The following EYA1 variants were observed in gnomAD, a reference collection of about 807,000 sequenced individuals.
The protein encoded by EYA1 is protein phosphatase EYA1.
In EYA1, 16 loss-of-function variants were observed where a neutral mutation model predicts 82.0. The observed-to-expected ratio is 0.20, with a 90% confidence interval of 0.13 to 0.30. EYA1 has a LOEUF of 0.30. Among genes scored for constraint, EYA1 ranks in the 10% least tolerant of loss-of-function variants. The pLI is 1.00. For missense variants in EYA1, 633 were observed against 730.7 expected (o/e 0.87, Z 1.54); for synonymous variants, 261 against 264.4 (o/e 0.99, Z 0.12).
chr8:71,346,209 T>G (rs1825686758), intron 3 of EYA1, among the ~76,000 whole-genome samples: 4 of 152,048 alleles, frequency 2.6e-5, no homozygotes, highest in African/African-American at 4.8e-5. Flanking sequence ...GATGTCCTCC[T>G]CCTCTGTAGA....
At chr8:71,499,089 G>C (rs1811630388) in intron 2 of EYA1, among the ~76,000 whole-genome samples, 1 of 152,098 alleles carries the variant, frequency 6.6e-6, no homozygotes, top group Admixed American at 6.5e-5. Context: ...GTGTGTCTGG[G>C]GGGTGTGGAG....
intron 2 of EYA1, among the ~76,000 whole-genome samples, chr8:71,482,461 A>C (rs1339245614): frequency 6.6e-6 from 1 of 152,230 alleles, no homozygotes; most frequent in Non-Finnish European, 1.5e-5. Context: ...TGGTTCAACC[A>C]CATTGAAAAG....
intron 1 of EYA1, among the ~76,000 whole-genome samples, chr8:71,544,870 T>A (rs1016943313): frequency 6.6e-6 from 1 of 152,244 alleles, no homozygotes; most frequent in African/African-American, 2.4e-5. Context: ...GAAATTCTCA[T>A]CTTGCTAGTT....
At position 71,444,984 on chromosome 8, in the gene EYA1, A is replaced by G. The variant is rs188261992; in HGVS notation, c.34-88473T>C. ...CAAACCATGTGTGAAATTGGAGAGA[A>G]GTGGAACTCAAATCAGACCCTATCA... On this transcript the variant is annotated intron_variant, in intron 2 of 18. Transcript: ENST00000643681. 2.0e-5 allele frequency among the ~76,000 whole-genome samples: 3 copies of G among 152,354 alleles called. No homozygotes were observed. In the East Asian group the frequency reaches 5.8e-4, roughly 29 times the overall value.
intron 3 of EYA1, among the ~76,000 whole-genome samples, chr8:71,344,777 A>T (rs557479752): frequency 6.6e-6 from 1 of 152,258 alleles, no homozygotes; most frequent in Non-Finnish European, 1.5e-5. Flanking sequence ...AAAATAAACT[A>T]GTGCATGAAG....
At chr8:71,509,010 C>G (rs1254739237) in intron 2 of EYA1, among the ~76,000 whole-genome samples, 1 of 151,882 alleles carries the variant, frequency 6.6e-6, no homozygotes, top group African/African-American at 2.4e-5. Flanking sequence ...CTGCTTGAGC[C>G]CAAAAGTTTG....
At chr8:71,376,048 A>T (rs756432756) in intron 2 of EYA1, among the ~76,000 whole-genome samples, 1 of 152,240 alleles carries the variant, frequency 6.6e-6, no homozygotes, top group African/African-American at 2.4e-5. Flanking sequence ...TTATTGACAA[A>T]TAGTTAAAAA....
chr8:71,319,803 A>C (rs780761439), intron 6 of EYA1, among the ~76,000 whole-genome samples: 6 of 152,202 alleles, frequency 3.9e-5, no homozygotes, highest in Non-Finnish European at 5.9e-5. Context: ...ATGAATGAGC[A>C]AAGGGGAGAA....
intron 2 of EYA1, among the ~76,000 whole-genome samples, chr8:71,492,221 C>T (rs568358894): frequency 2.0e-5 from 3 of 152,202 alleles, no homozygotes; most frequent in South Asian, 4.1e-4. Context: ...GCAGATTTGC[C>T]CCAGGGAGTG....
chr8:71,486,173 C>T (rs1394341037), intron 2 of EYA1, among the ~76,000 whole-genome samples: 1 of 152,136 alleles, frequency 6.6e-6, no homozygotes, highest in Non-Finnish European at 1.5e-5. Flanking sequence ...ACCTGCCTGA[C>T]TTGGGGATAT....
At chr8:71,228,888 C>T (rs1359494136) in intron 12 of EYA1, among the ~76,000 whole-genome samples, 1 of 152,136 alleles carries the variant, frequency 6.6e-6, no homozygotes, top group Non-Finnish European at 1.5e-5. Flanking sequence ...TCTTCCAACC[C>T]ACCCTGGGCA....
At chr8:71,523,544 A>C (rs577446496) in intron 2 of EYA1, among the ~76,000 whole-genome samples, 169 of 152,274 alleles carry the variant, frequency 1.1e-3, no homozygotes, top group Non-Finnish European at 2.0e-3. Context: ...AGTTACAGCA[A>C]ATCAATCACC....
At chr8:71,379,328 C>T (rs545436096) in intron 2 of EYA1, among the ~76,000 whole-genome samples, 2 of 152,128 alleles carry the variant, frequency 1.3e-5, no homozygotes, top group East Asian at 1.9e-4. Flanking sequence ...ACAGAGAACA[C>T]CCAGCACAGC....
chr8:71,463,575 TTCTCTC>T lies in EYA1; in HGVS notation c.33+72163_33+72168del, dbSNP rs776367934. On this transcript the variant is annotated intron_variant, in intron 2 of 18. Coordinates refer to the EYA1 transcript ENST00000643681. ...GGTTATTTCTTAAGAAATACATGCT[TTCTCTC>T]TCTCTCTCTCTCTCTCTCTCTCTCT... Among the ~76,000 whole-genome samples the T allele has an allele frequency of 5.9e-3, 243 of 41,170 alleles. 1 individual carries two copies. Among genetic ancestry groups the T allele is most frequent in the Non-Finnish European group, 7.5e-3 (179 of 23,844 alleles). 27.0% of individuals were successfully genotyped at this position (41,170 alleles called of 152,430 possible).
At chr8:71,323,282 A>G (rs1301361151) in intron 4 of EYA1, among the ~76,000 whole-genome samples, 1 of 151,806 alleles carries the variant, frequency 6.6e-6, no homozygotes, top group African/African-American at 2.4e-5. Context: ...CTTGGGGGCA[A>G]TTATTATAAG....
chr8:71,507,978 T>C (rs1812317757), intron 2 of EYA1, among the ~76,000 whole-genome samples: 1 of 152,072 alleles, frequency 6.6e-6, no homozygotes, highest in Non-Finnish European at 1.5e-5. Flanking sequence ...TTCATATGAG[T>C]CTCCACTATG....
chr8:71,476,454 A>G (rs915895772), intron 2 of EYA1, among the ~76,000 whole-genome samples: 1 of 152,162 alleles, frequency 6.6e-6, no homozygotes, highest in African/African-American at 2.4e-5. Context: ...TAAAATCAAG[A>G]AAACAATTTC....
At chr8:71,323,206 T>C (rs557468556) in intron 4 of EYA1, among the ~76,000 whole-genome samples, 1 of 152,330 alleles carries the variant, frequency 6.6e-6, no homozygotes, top group South Asian at 2.1e-4. Context: ...TTTACGTTTA[T>C]GGGTATACAT....
Position 71,430,716 on chromosome 8 carries a change from T to A in EYA1, c.34-74205A>T, listed in dbSNP as rs1158671749. Among the ~76,000 whole-genome samples the A allele has an allele frequency of 2.0e-5, 3 of 152,088 alleles. No individual in the cohort carries two copies. In the East Asian group the frequency reaches 5.8e-4, roughly 29 times the overall value. On this transcript the variant is annotated intron_variant, in intron 2 of 18. Coordinates refer to the EYA1 transcript ENST00000643681. ...TATCCCTGAAACCAATGGGGGTGGG[T>A]GCTGTAAAGGTTCCCCAAGTAGCCA... is the stretch of plus-strand genomic sequence containing the variant.
Sources: allele counts gnomAD v4.1 joint callset (sites outside exome capture counted in the v4.1 genomes callset), GRCh38; gene constraint gnomAD v4.1.1; transcripts MANE v1.5; gene names NCBI Gene and HGNC (gene_info 2026-07-23, HGNC 2026-07-21).